RABEP2: variants seen among roughly 807,000 people sequenced by gnomAD.
The protein encoded by RABEP2 is rab GTPase-binding effector protein 2.
In RABEP2, 57 loss-of-function variants were observed where a neutral mutation model predicts 74.1. The ratio of observed to expected loss-of-function variants is 0.77; its 90% CI spans 0.62 to 0.96. RABEP2 has a LOEUF of 0.96. Among genes scored for constraint, RABEP2 ranks in the 40% least tolerant of loss-of-function variants. The pLI, the probability that RABEP2 is intolerant of heterozygous loss-of-function variation, is 0.00. For missense variants in RABEP2, 692 were observed against 756.3 expected, an observed-to-expected ratio of 0.91 and a Z score of 1.00; for synonymous variants, 351 against 344.0, an observed-to-expected ratio of 1.02 and a Z score of -0.23.
chr16:28,924,736 C>T, intron 1 of RABEP2, 121 bp from the exon 2 acceptor site: 1 of 944,166 alleles, frequency 1.1e-6, no homozygotes, highest in Non-Finnish European at 1.6e-6. Context: ...CTGGGCCCGC[C>T]CGGCTCACCT....
At chr16:28,923,759 G>C (rs1964497828) in intron 2 of RABEP2, among the ~76,000 whole-genome samples, 1 of 152,206 alleles carries the variant, frequency 6.6e-6, no homozygotes, top group South Asian at 2.1e-4. Context: ...AGGAAGATCT[G>C]TGAGAAGGTT....
chr16:28,921,171 G>A (rs1964464398), intron 2 of RABEP2: 3 of 455,684 alleles, frequency 6.6e-6, no homozygotes, highest in South Asian at 3.1e-5. Context: ...GCCCTTAATC[G>A]TAGTAATAAA....
At chr16:28,923,809 G>A (rs747426865) in intron 2 of RABEP2, among the ~76,000 whole-genome samples, 3 of 152,210 alleles carry the variant, frequency 2.0e-5, no homozygotes, top group Non-Finnish European at 2.9e-5. Context: ...GAGCCCCACC[G>A]CAGCAGGGGC....
At chr16:28,912,941 T>G (rs559505019) in intron 5 of RABEP2, among the ~76,000 whole-genome samples, 1 of 152,198 alleles carries the variant, frequency 6.6e-6, no homozygotes, top group Non-Finnish European at 1.5e-5. Flanking sequence ...CACAGTTCCT[T>G]GTGCCCCGGT....
Position 28,905,376 on chromosome 16 carries a change from CGGGGCTGGGACAGGCCATACCTGCA to C in RABEP2, c.1604_1608+20del. On this transcript the variant is annotated splice_donor_variant and splice_donor_5th_base_variant and coding_sequence_variant and intron_variant, in exon 12 of 13. Coordinates refer to ENST00000358201, the MANE Select transcript of RABEP2 (RefSeq NM_024816.3). LOFTEE classifies it high-confidence loss of function. ...CCCGGAGTGGAGCCAGCCAGCCTGG[CGGGGCTGGGACAGGCCATACCTGCA>C]GGGCCTGGGACAGTCGCACGAAATC... 6.4e-7 allele frequency: 1 copy of C among 1,571,628 alleles called. No homozygotes were observed. The highest frequency in any genetic ancestry group is 8.7e-7 in the Non-Finnish European group (1 of 1,148,296).
At position 28,911,171 on chromosome 16, in the gene RABEP2, C is replaced by G; in HGVS notation, c.903G>C (p.Gln301His). 1 of 1,609,068 alleles carries G rather than the reference C, an allele frequency of 6.2e-7. No homozygotes were observed. Among genetic ancestry groups the G allele is most frequent in the Middle Eastern group, 1.7e-4 (1 of 5,726 alleles). Residue 301 changes from glutamine (Q) to histidine (H), a missense_variant, in exon 6 of 13, where the codon CAG (glutamine) becomes CAC (histidine). Gln to His is a conservative substitution (Grantham distance 24, BLOSUM62 0). Coordinates refer to ENST00000358201, the MANE Select transcript of RABEP2 (RefSeq NM_024816.3). Reference sequence around the variant, plus strand: ...TGACGCTCTCCAGGTCCTTCTGCAGCTGTCGGCCCTGCCACAGACCCTGCC... The same window carrying G: ...TGACGCTCTCCAGGTCCTTCTGCAGGTGTCGGCCCTGCCACAGACCCTGCC... ...QWEQLQTEGRQLQKDLESVSR... is the reference protein window; with the variant it reads ...QWEQLQTEGRHLQKDLESVSR...
intron 8 of RABEP2, 32 bp from the exon 9 acceptor site, chr16:28,906,228 TG>T: frequency 6.5e-7 from 1 of 1,540,952 alleles, no homozygotes; most frequent in Non-Finnish European, 8.7e-7. Context: ...CCTGCTGGGC[TG>T]GGGCAGGAGG....
chr16:28,922,941 T>C (rs1484286025), intron 2 of RABEP2, among the ~76,000 whole-genome samples: 1 of 152,060 alleles, frequency 6.6e-6, no homozygotes, highest in Admixed American at 6.6e-5. Context: ...GTTTCCAACC[T>C]TTGGCTGTTT....
At chr16:28,907,813 T>G (rs1176228783) in intron 8 of RABEP2, among the ~76,000 whole-genome samples, 2 of 151,992 alleles carry the variant, frequency 1.3e-5, no homozygotes, top group Non-Finnish European at 2.9e-5. Flanking sequence ...ATGTTCTTTT[T>G]CTTTTGAGAC....
In RABEP2 at chr16:28,906,133, GCTCCTGGGCCTGCAGCCGGGCC is replaced by G; in HGVS notation, c.1287_1308del (p.Arg429SerfsTer12). 6.3e-7 allele frequency: 1 copy of G among 1,581,318 alleles called. No individual in the cohort carries two copies. Among genetic ancestry groups the G allele is most frequent in the Non-Finnish European group, 8.6e-7 (1 of 1,167,536 alleles). On this transcript the variant is annotated frameshift_variant, in exon 9 of 13. Transcript: ENST00000358201. LOFTEE classifies it high-confidence loss of function. Reference sequence around the variant, plus strand: ...TCGATCCGCAGGCGCTCGGCCCCGTGCTCCTGGGCCTGCAGCCGGGCCCTCGCCTCTTGCCGCGTGCAGCACA... The same window carrying G: ...TCGATCCGCAGGCGCTCGGCCCCGTGCTCGCCTCTTGCCGCGTGCAGCACA...
chr16:28,922,812 T>G (rs945285414), intron 2 of RABEP2, among the ~76,000 whole-genome samples: 1 of 151,942 alleles, frequency 6.6e-6, no homozygotes, highest in African/African-American at 2.4e-5. Context: ...GAGAATCGCT[T>G]GAACCCGGGA....
intron 3 of RABEP2, among the ~76,000 whole-genome samples, chr16:28,915,524 C>T (rs1364440430): frequency 6.6e-6 from 1 of 152,018 alleles, no homozygotes; most frequent in Non-Finnish European, 1.5e-5. Flanking sequence ...CCTTCCAGGA[C>T]AACTCTTTAT....
At chr16:28,923,321 G>A (rs1964491501) in intron 2 of RABEP2, among the ~76,000 whole-genome samples, 1 of 151,850 alleles carries the variant, frequency 6.6e-6, no homozygotes, top group African/African-American at 2.4e-5. Context: ...GAGGTAGGAG[G>A]ATCTGCTTGA....
chr16:28,910,924 G>A lies in RABEP2; in HGVS notation c.1053C>T (p.Thr351=), dbSNP rs376611753. 1.3e-4 allele frequency: 215 copies of A among 1,612,988 alleles called. No homozygotes were observed. Among genetic ancestry groups the A allele is most frequent in the Middle Eastern group, 3.3e-4 (2 of 6,058 alleles). The change falls in exon 7 of 13, where the codon ACC becomes ACT. Residue 351 remains threonine, a synonymous_variant. Transcript: ENST00000358201. ...SEQLLRTLQG[T]VSQAQERVQL... is the part of the protein sequence containing the mutation. ...GCACCCGCTCCTGGGCCTGGCTCACGGTCCCTTGCAGGGTCCGCAGCAGCT... is the reference window on the plus strand; with the variant it reads ...GCACCCGCTCCTGGGCCTGGCTCACAGTCCCTTGCAGGGTCCGCAGCAGCT...
chr16:28,905,481 C>A lies in RABEP2; in HGVS notation c.1524G>T (p.Arg508Ser), dbSNP rs200118396. The A allele has an allele frequency of 7.8e-4, 1,256 of 1,610,822 alleles. 3 individuals are homozygous for A. Among genetic ancestry groups the A allele is most frequent in the Middle Eastern group, 4.6e-3 (27 of 5,876 alleles). ...CTGCCTGCAGCCGCAGCACCTTGGC[C>A]CTCTGTTCTGAGAGGAGGTCTGGGA... ...AQLPDLLSEQ[R>S]AKVLRLQAEL... Residue 508 changes from arginine (R) to serine (S), a missense_variant, in exon 12 of 13, where the codon AGG (arginine) becomes AGT (serine). Physicochemically the swap from Arg to Ser is moderately radical, Grantham distance 110. Transcript: ENST00000358201.
chr16:28,914,776 C>T lies in RABEP2; in HGVS notation c.439G>A (p.Glu147Lys), dbSNP rs199981658. Reference sequence around the variant, plus strand: ...ATCTCCCGCAGCTTCTCCGAGTCCTCGTGGGCCTGGAGGGAGCGGGGTGTG... The same window carrying T: ...ATCTCCCGCAGCTTCTCCGAGTCCTTGTGGGCCTGGAGGGAGCGGGGTGTG... ...SLEKQMEKAH[E>K]DSEKLREIVL... The change falls in exon 4 of 13, where the codon GAG becomes AAG. Residue 147 changes from glutamate to lysine, a missense_variant. By Grantham distance (56) the Glu-to-Lys change is moderately conservative. Coordinates refer to ENST00000358201, the MANE Select transcript of RABEP2 (RefSeq NM_024816.3). 1.2e-5 allele frequency: 20 copies of T among 1,613,984 alleles called. No homozygotes were observed. The East Asian group carries it at 2.5e-4, about 20-fold the overall frequency.
At chr16:28,905,660 C>T in intron 11 of RABEP2, 44 bp downstream of exon 11, 1 of 1,603,950 alleles carries the variant, frequency 6.2e-7, no homozygotes, top group Non-Finnish European at 8.5e-7. Context: ...GTCTTTTCCA[C>T]AGCTGGGTCC....
chr16:28,908,305 T>C (rs1358278821), intron 8 of RABEP2, among the ~76,000 whole-genome samples: 1 of 152,198 alleles, frequency 6.6e-6, no homozygotes, highest in Admixed American at 6.6e-5. Flanking sequence ...GGCAGCTTGC[T>C]ATAAACCAAA....
At chr16:28,918,737 T>C (rs1406222605) in intron 3 of RABEP2, among the ~76,000 whole-genome samples, 1 of 152,088 alleles carries the variant, frequency 6.6e-6, no homozygotes, top group African/African-American at 2.4e-5. Context: ...TGCTGCAAGC[T>C]TGATTTCTGG....
Sources: allele counts gnomAD v4.1 joint callset (sites outside exome capture counted in the v4.1 genomes callset), GRCh38; gene constraint gnomAD v4.1.1; transcripts MANE v1.5; gene names NCBI Gene and HGNC (gene_info 2026-07-23, HGNC 2026-07-21).